The following RHCG variants were observed in gnomAD, a reference collection of about 807,000 sequenced individuals.
The protein encoded by RHCG is ammonium transporter Rh type C.
A neutral mutation model predicts 55.3 loss-of-function variants in RHCG; 39 were observed. The ratio of observed to expected loss-of-function variants is 0.70; its 90% CI spans 0.55 to 0.92. The LOEUF is 0.92. RHCG is among the 40% of genes least tolerant of loss of function. The pLI is 0.00. For missense variants in RHCG, 635 were observed against 627.9 expected, an observed-to-expected ratio of 1.01 and a Z score of -0.12; for synonymous variants, 250 against 246.8, an observed-to-expected ratio of 1.01 and a Z score of -0.12.
At chr15:89,484,564 G>A (rs1035718322) in intron 2 of RHCG, among the ~76,000 whole-genome samples, 5 of 152,000 alleles carry the variant, frequency 3.3e-5, no homozygotes, top group Admixed American at 2.0e-4. Flanking sequence ...GGTGGATCAC[G>A]AGGTCAGCAG....
intron 1 of RHCG, among the ~76,000 whole-genome samples, chr15:89,494,342 G>A (rs1375097178): frequency 1.3e-5 from 2 of 152,194 alleles, no homozygotes; most frequent in Admixed American, 6.5e-5. Context: ...TATTTATCCA[G>A]AGTGACCATA....
chr15:89,476,006 G>GCTCTCTCT lies in RHCG; in HGVS notation c.1311+748_1311+749insAGAGAGAG, dbSNP rs1209826016. The stretch of plus-strand genomic sequence containing the variant: ...CTTTGCATTTCTCTCTCTCTCTCTT[G>GCTCTCTCT]CTCTCGCTCTCTCTCTCTCTCTCTC... On this transcript the variant is annotated intron_variant, in intron 9 of 10. Transcript: ENST00000268122. 9.0e-3 allele frequency among the ~76,000 whole-genome samples: 1,242 copies of GCTCTCTCT among 137,892 alleles called. 22 individuals are homozygous for GCTCTCTCT. The highest frequency in any genetic ancestry group is 0.04 in the African/African-American group (1,182 of 29,434). 90.5% of individuals were successfully genotyped at this position (137,892 alleles called of 152,430 possible). A position where few individuals can be genotyped will look rare whatever the true frequency, so the allele number is the denominator to read the frequency against.
At chr15:89,494,167 C>A (rs564091817) in intron 1 of RHCG, among the ~76,000 whole-genome samples, 2 of 152,040 alleles carry the variant, frequency 1.3e-5, no homozygotes, top group Non-Finnish European at 2.9e-5. Flanking sequence ...TTTTAGTGGC[C>A]CCCTTGGCTG....
At chr15:89,486,726 C>T (rs1486913233) in intron 2 of RHCG, 73 bp downstream of exon 2, 4 of 1,510,184 alleles carry the variant, frequency 2.6e-6, no homozygotes, top group African/African-American at 1.4e-5. Flanking sequence ...GGCACGCCCT[C>T]CTCCCTCAGG....
chr15:89,472,922 G>A, intron 9 of RHCG, 59 bp from the exon 10 acceptor site: 1 of 1,392,670 alleles, frequency 7.2e-7, no homozygotes, highest in Non-Finnish European at 9.4e-7. Flanking sequence ...GGGTGTCCCT[G>A]GTGACTAGAA....
intron 1 of RHCG, among the ~76,000 whole-genome samples, chr15:89,492,453 A>C (rs1961494296): frequency 6.6e-6 from 1 of 151,898 alleles, no homozygotes; most frequent in Admixed American, 6.6e-5. Context: ...GTTTTCTTTG[A>C]GACCTACTGG....
rs1567227911 is a variant in RHCG at position 89,486,789 on chromosome 15, C to G, written c.371+10G>C. On this transcript the variant is annotated intron_variant, in intron 2 of 10. Coordinates refer to ENST00000268122, the MANE Select transcript of RHCG (RefSeq NM_016321.3). ...GTCCGCCACGCCCCCGGGGCCCGCC[C>G]TGCGCTCACTTCTCCACGCCCACGA... 6.3e-7 allele frequency: 1 copy of G among 1,579,240 alleles called. No homozygotes were observed. Among genetic ancestry groups the G allele is most frequent in the African/African-American group, 1.3e-5 (1 of 74,294 alleles).
intron 9 of RHCG, 103 bp downstream of exon 9, chr15:89,476,652 A>G: frequency 1.1e-6 from 1 of 928,748 alleles, no homozygotes; most frequent in Non-Finnish European, 1.8e-6. Context: ...TCTGACCCCC[A>G]CCCCCGGCAT....
rs148258462 is a variant in RHCG at position 89,477,651 on chromosome 15, T to A, written c.978A>T (p.Pro326=). ...ISTLGFVYLT[P]FLESRLHIQD... is the part of the protein sequence containing the mutation. ...GGATGTGCAGCCGGGACTCCAGGAA[T>A]GGCTGGAGACGGGAGGTGGGTGCTG... Residue 326 remains proline (P), a splice_region_variant and synonymous_variant, in exon 7 of 11, where the codon CCA becomes CCT. Transcript: ENST00000268122. This position sits in a 1 kb window ranked among gnomAD's most constrained non-coding sequence, Gnocchi z 4.5. 182 of 1,613,806 alleles carry A rather than the reference T, an allele frequency of 1.1e-4. No individual in the cohort carries two copies. The highest frequency in any genetic ancestry group is 1.5e-4 in the Non-Finnish European group (175 of 1,179,980).
chr15:89,478,709 C>G (rs145448279), intron 5 of RHCG, among the ~76,000 whole-genome samples: 2 of 152,298 alleles, frequency 1.3e-5, no homozygotes, highest in Non-Finnish European at 2.9e-5. Flanking sequence ...GAATCCCCAC[C>G]TCTCTGCATG....
chr15:89,483,250 G>A, intron 2 of RHCG, 33 bp from the exon 3 acceptor site: 6 of 1,486,320 alleles, frequency 4.0e-6, no homozygotes, highest in Non-Finnish European at 5.5e-6. Context: ...AGAAGCTGGG[G>A]CAATAGCAAA....
At position 89,491,191 on chromosome 15, in the gene RHCG, G is replaced by A. The variant is rs530581510; in HGVS notation, c.185-4206C>T. Among the ~76,000 whole-genome samples, 3 of 152,200 alleles carry A rather than the reference G, an allele frequency of 2.0e-5. No individual in the cohort carries two copies. The South Asian group carries it at 6.2e-4, about 32-fold the overall frequency. ...CTGTGTGGCCTGAGAGCAGGAGCAG[G>A]GAGCCCTCGCTTTCCTGGTCCATCC... is the stretch of plus-strand genomic sequence containing the variant. On this transcript the variant is annotated intron_variant, in intron 1 of 10. Transcript: ENST00000268122.
At position 89,477,937 on chromosome 15, in the gene RHCG, G is replaced by A; in HGVS notation, c.875C>T (p.Ala292Val). The A allele has an allele frequency of 1.2e-6, 2 of 1,612,546 alleles. No individual in the cohort carries two copies. Among genetic ancestry groups the A allele is most frequent in the Non-Finnish European group, 1.7e-6 (2 of 1,178,958 alleles). Residue 292 changes from alanine (A) to valine (V), a missense_variant, in exon 6 of 11, where the codon GCC becomes GTC. Ala to Val is a moderately conservative substitution (Grantham distance 64). Transcript: ENST00000268122. This position sits in a 1 kb window ranked among gnomAD's most constrained non-coding sequence, Gnocchi z 4.5. ...IQNATLAGGV[A>V]VGTAAEMMLM... is the part of the protein sequence containing the mutation. ...CATCATCTCAGCAGCGGTACCCACGGCCACCCCTCCTGCGAGCGTGGCATT... is the reference window on the plus strand; with the variant it reads ...CATCATCTCAGCAGCGGTACCCACGACCACCCCTCCTGCGAGCGTGGCATT...
chr15:89,476,602 GA>G (rs1485794933), intron 9 of RHCG, among the ~76,000 whole-genome samples, 152 bp downstream of exon 9: 1 of 152,114 alleles, frequency 6.6e-6, no homozygotes, highest in African/African-American at 2.4e-5. Flanking sequence ...ACCTCCATGA[GA>G]CACAGCCTCC....
intron 2 of RHCG, among the ~76,000 whole-genome samples, chr15:89,483,838 G>A (rs1029034705): frequency 6.6e-6 from 1 of 152,188 alleles, no homozygotes; most frequent in African/African-American, 2.4e-5. Flanking sequence ...CAGCAGGGAG[G>A]ATGGAGGCAA....
intron 2 of RHCG, chr15:89,486,469 C>A: frequency 4.3e-6 from 2 of 466,168 alleles, no homozygotes; most frequent in South Asian, 1.5e-5. Context: ...CAGCCTTTGT[C>A]GTAGGGGAAG....
intron 4 of RHCG, 145 bp downstream of exon 4, chr15:89,480,116 G>T: frequency 2.8e-6 from 3 of 1,056,998 alleles, no homozygotes; most frequent in Non-Finnish European, 2.8e-6. Context: ...AGAACTGGCA[G>T]CCATGCACCA....
intron 1 of RHCG, among the ~76,000 whole-genome samples, chr15:89,493,061 A>C (rs1961505519): frequency 6.6e-6 from 1 of 152,204 alleles, no homozygotes. Context: ...GATCTGTTTA[A>C]TTCTAAAGTT....
chr15:89,483,059 C>T lies in RHCG; in HGVS notation c.522+8G>A. On this transcript the variant is annotated splice_region_variant and intron_variant, in intron 3 of 10. Coordinates refer to ENST00000268122, the MANE Select transcript of RHCG (RefSeq NM_016321.3). ...CACCACCTCATCCCCATTCTGAGCC[C>T]TGCTCACCTTTAGCAGGTTAAGGAG... The T allele has an allele frequency of 6.4e-7, 1 of 1,567,454 alleles. No homozygotes were observed. Among genetic ancestry groups the T allele is most frequent in the South Asian group, 1.1e-5 (1 of 87,440 alleles).
Sources: allele counts gnomAD v4.1 joint callset (sites outside exome capture counted in the v4.1 genomes callset), GRCh38; gene constraint gnomAD v4.1.1; non-coding constraint Gnocchi (gnomAD v3.1); transcripts MANE v1.5; gene names NCBI Gene and HGNC (gene_info 2026-07-23, HGNC 2026-07-21).